The following PGM5 variants were observed in gnomAD, a reference collection of about 807,000 sequenced individuals.
The protein encoded by PGM5 is phosphoglucomutase-like protein 5.
PGM5 carries 23 observed loss-of-function variants against 59.2 expected under a neutral mutation model. The observed-to-expected ratio is 0.39, with a 90% confidence interval of 0.28 to 0.55. The LOEUF (loss-of-function observed/expected upper bound fraction) is 0.55, where lower values mean the gene tolerates loss of function less well. PGM5 is among the 20% of genes least tolerant of loss of function. PGM5 has a pLI of 0.66. For missense variants in PGM5, 574 were observed against 748.3 expected (o/e 0.77, Z 2.72); for synonymous variants, 214 against 286.0 (o/e 0.75, Z 2.54).
At chr9:68,414,615 G>A (rs1440188107) in intron 6 of PGM5, among the ~76,000 whole-genome samples, 17 of 150,950 alleles carry the variant, frequency 1.1e-4, no homozygotes, top group African/African-American at 2.2e-4. Flanking sequence ...GGAGGTGCAC[G>A]AGGAAATGAT....
intron 1 of PGM5, among the ~76,000 whole-genome samples, chr9:68,358,955 C>G (rs1264689881): frequency 6.6e-6 from 1 of 152,138 alleles, no homozygotes; most frequent in Non-Finnish European, 1.5e-5. Flanking sequence ...GTCTTTCACT[C>G]TTCTCTGACA....
Position 68,475,938 on chromosome 9 carries a change from T to A in PGM5, c.1160-3480T>A, listed in dbSNP as rs371155022. On this transcript the variant is annotated intron_variant, in intron 7 of 10. Coordinates refer to ENST00000396396, the MANE Select transcript of PGM5 (RefSeq NM_021965.4). ...CGAGAGGCTGAAGTGGGAGGATCACTTGAGCCTGGGAGGTCGCGGCTGCAG... is the reference window on the plus strand; with the variant it reads ...CGAGAGGCTGAAGTGGGAGGATCACATGAGCCTGGGAGGTCGCGGCTGCAG... Among the ~76,000 whole-genome samples the A allele has an allele frequency of 7.9e-5, 12 of 152,326 alleles. No individual in the cohort carries two copies. In the East Asian group the frequency reaches 9.6e-4, roughly 12 times the overall value.
chr9:68,515,240 T>A (rs1824807644), intron 10 of PGM5, among the ~76,000 whole-genome samples: 1 of 152,260 alleles, frequency 6.6e-6, no homozygotes, highest in Admixed American at 6.5e-5. Context: ...AAGTGTGCAT[T>A]AACCATCCAT....
rs782232692 is a variant in PGM5, at chr9:68,479,487, G to A, written c.1229G>A (p.Arg410Gln). The A allele has an allele frequency of 4.7e-5, 76 of 1,613,864 alleles. 2 individuals carry two copies. Among genetic ancestry groups the A allele is most frequent in the South Asian group, 3.3e-4 (30 of 91,062 alleles). Residue 410 changes from arginine (R) to glutamine (Q), a missense_variant, in exon 8 of 11, where the codon CGG becomes CAG. By Grantham distance (43) the Arg-to-Gln change is conservative. Transcript: ENST00000396396. ...GTCTGGCTCTCCATTATTGCTGCCC[G>A]GAAGCAGAGTGTGGAGGAAATTGTC... ...VLVWLSIIAA[R>Q]KQSVEEIVRD...
intron 6 of PGM5, among the ~76,000 whole-genome samples, chr9:68,401,915 GTGTGTGTGTGTGTGTA>G (rs1554680687): frequency 7.4e-5 from 11 of 148,698 alleles, no homozygotes; most frequent in Admixed American, 1.3e-4. Flanking sequence ...GTGTGTGTGT[GTGTGTGTGTGTGTGTA>G]TATATTTGTC....
chr9:68,472,252 A>T (rs1186440702), intron 7 of PGM5, among the ~76,000 whole-genome samples: 1 of 152,190 alleles, frequency 6.6e-6, no homozygotes, highest in Non-Finnish European at 1.5e-5. Context: ...CCAAAGTCAC[A>T]CTGGCTGAGC....
At chr9:68,370,804 G>A (rs1283661215) in intron 1 of PGM5, among the ~76,000 whole-genome samples, 6 of 152,064 alleles carry the variant, frequency 3.9e-5, no homozygotes, top group Non-Finnish European at 5.9e-5. Flanking sequence ...TTAGAAGGAC[G>A]GACACAAAGA....
chr9:68,471,951 T>C (rs10780963), intron 7 of PGM5, among the ~76,000 whole-genome samples: 6,074 of 149,644 alleles, frequency 0.041, 516 homozygotes, highest in East Asian at 0.36. Flanking sequence ...AGTCCTATTG[T>C]TCCTATCTGC....
At chr9:68,529,071 G>T (rs1210886565) in intron 10 of PGM5, among the ~76,000 whole-genome samples, 1 of 152,012 alleles carries the variant, frequency 6.6e-6, no homozygotes, top group Non-Finnish European at 1.5e-5. Flanking sequence ...TTTCTGCAAC[G>T]TTGGCCAATG....
chr9:68,458,092 C>G (rs1480598769), intron 6 of PGM5, among the ~76,000 whole-genome samples: 1 of 152,208 alleles, frequency 6.6e-6, no homozygotes, highest in Non-Finnish European at 1.5e-5. Flanking sequence ...GCTGTAAACA[C>G]AGACAGTTGT....
At chr9:68,455,749 T>C (rs540349402) in intron 6 of PGM5, among the ~76,000 whole-genome samples, 1 of 152,334 alleles carries the variant, frequency 6.6e-6, no homozygotes, top group African/African-American at 2.4e-5. Context: ...TCTCTTCATT[T>C]AGTCTCATTA....
intron 9 of PGM5, among the ~76,000 whole-genome samples, chr9:68,485,630 G>A (rs1587208836): frequency 6.6e-6 from 1 of 152,264 alleles, no homozygotes; most frequent in East Asian, 1.9e-4. Context: ...CTTCATAGCA[G>A]TATGAAAATG....
At chr9:68,500,209 G>C (rs1824549016) in intron 10 of PGM5, among the ~76,000 whole-genome samples, 1 of 152,206 alleles carries the variant, frequency 6.6e-6, no homozygotes, top group African/African-American at 2.4e-5. Flanking sequence ...TTTTAGAGGT[G>C]CTCAGAATTT....
At chr9:68,418,642 G>A (rs1823075873) in intron 6 of PGM5, among the ~76,000 whole-genome samples, 1 of 151,676 alleles carries the variant, frequency 6.6e-6, no homozygotes. Context: ...TGTTTGGCAG[G>A]ACGACTTGAC....
intron 3 of PGM5, among the ~76,000 whole-genome samples, chr9:68,385,665 CATTAT>C (rs1472214034): frequency 1.4e-4 from 22 of 151,920 alleles, no homozygotes; most frequent in Non-Finnish European, 2.9e-4. Context: ...GCAAGGGGTA[CATTAT>C]ATTAAGCAAA....
intron 6 of PGM5, among the ~76,000 whole-genome samples, chr9:68,464,126 A>G (rs1823897297): frequency 6.6e-6 from 1 of 152,202 alleles, no homozygotes. Flanking sequence ...ACTTTGATGG[A>G]CATTTGGATT....
At chr9:68,373,534 C>T (rs1388984425) in intron 1 of PGM5, among the ~76,000 whole-genome samples, 2 of 152,130 alleles carry the variant, frequency 1.3e-5, no homozygotes, top group Non-Finnish European at 2.9e-5. Context: ...AATAACTTTA[C>T]ATGTTTATTT....
At chr9:68,377,831 T>C (rs1397178170) in intron 1 of PGM5, among the ~76,000 whole-genome samples, 6 of 152,238 alleles carry the variant, frequency 3.9e-5, no homozygotes, top group Non-Finnish European at 8.8e-5. Context: ...TTCTTTTTTC[T>C]TGTAATCTCT....
chr9:68,488,936 A>G (rs1824342243), intron 9 of PGM5, among the ~76,000 whole-genome samples: 2 of 152,318 alleles, frequency 1.3e-5, no homozygotes, highest in East Asian at 1.9e-4. Context: ...AGGAGTTCCC[A>G]GTTTATACCT....
Sources: gnomAD v4.1 joint callset for allele counts (sites outside exome capture counted in the v4.1 genomes callset) on GRCh38, gnomAD v4.1.1 for gene constraint, MANE v1.5 for transcripts, NCBI Gene and HGNC (gene_info 2026-07-23, HGNC 2026-07-21) for gene names.